Variants in PRKAA2 observed in about 807,000 individuals in gnomAD.
PRKAA2 encodes the protein 5'-AMP-activated protein kinase catalytic subunit alpha-2.
PRKAA2 carries 40 observed loss-of-function variants against 56.3 expected under a neutral mutation model. The observed-to-expected ratio is 0.71, with a 90% CI of 0.55 to 0.92. The LOEUF is 0.92. Ranked by LOEUF, PRKAA2 falls within the 40% of genes least tolerant of loss-of-function variation. The pLI is 0.00. For missense variants in PRKAA2, 542 were observed against 686.9 expected (o/e 0.79, Z 2.36); for synonymous variants, 214 against 234.2 (o/e 0.91, Z 0.79).
At chr1:56,702,147 G>A (rs1285059187) in intron 6 of PRKAA2, among the ~76,000 whole-genome samples, 2 of 150,842 alleles carry the variant, frequency 1.3e-5, no homozygotes, top group African/African-American at 4.9e-5. Flanking sequence ...GCAATGGCAC[G>A]ATCTCGGCTC....
chr1:56,654,805 G>A (rs1643927351), intron 1 of PRKAA2, among the ~76,000 whole-genome samples: 1 of 152,024 alleles, frequency 6.6e-6, no homozygotes, highest in Non-Finnish European at 1.5e-5. Context: ...TCTTATGTTT[G>A]GCAGTGTTTG....
At chr1:56,662,117 A>G (rs1643998460) in intron 1 of PRKAA2, among the ~76,000 whole-genome samples, 1 of 152,096 alleles carries the variant, frequency 6.6e-6, no homozygotes, top group African/African-American at 2.4e-5. Context: ...CATGTAGTAA[A>G]GATTGATACA....
intron 2 of PRKAA2, among the ~76,000 whole-genome samples, chr1:56,684,417 A>G (rs1557555008): frequency 6.6e-6 from 1 of 152,108 alleles, no homozygotes; most frequent in Non-Finnish European, 1.5e-5. Context: ...TGTATTTAAG[A>G]TATTTAAAGC....
At chr1:56,707,392 A>T in intron 8 of PRKAA2, 83 bp from the exon 9 acceptor site, 2 of 1,147,408 alleles carry the variant, frequency 1.7e-6, no homozygotes, top group East Asian at 4.7e-5. Context: ...TGTTTACTTA[A>T]TATTCTGAAT....
At chr1:56,667,538 A>T (rs1308850604) in intron 1 of PRKAA2, among the ~76,000 whole-genome samples, 1 of 152,194 alleles carries the variant, frequency 6.6e-6, no homozygotes, top group Non-Finnish European at 1.5e-5. Context: ...AGATTGCATT[A>T]TAGTATAATC....
chr1:56,704,616 C>T (rs1644319536), intron 7 of PRKAA2, 141 bp downstream of exon 7: 1 of 961,916 alleles, frequency 1.0e-6, no homozygotes, highest in Admixed American at 3.1e-5. Flanking sequence ...CAAATAACCT[C>T]TATAAGGATG....
intron 6 of PRKAA2, among the ~76,000 whole-genome samples, chr1:56,697,817 T>TA (rs143567357): frequency 6.7e-6 from 1 of 150,092 alleles, no homozygotes; most frequent in African/African-American, 2.4e-5. Flanking sequence ...TTTTTTTTAT[T>TA]AAAAAAAAAG....
intron 1 of PRKAA2, among the ~76,000 whole-genome samples, chr1:56,655,280 A>ATATATATATATATATAT: frequency 3.8e-4 from 36 of 93,656 alleles, no homozygotes; most frequent in African/African-American, 1.5e-3. Flanking sequence ...ATATATATAT[A>ATATATATATATATATAT]TTTTTTTTTT....
intron 8 of PRKAA2, among the ~76,000 whole-genome samples, chr1:56,707,007 A>C (rs770304740): frequency 1.3e-5 from 2 of 152,182 alleles, no homozygotes; most frequent in Non-Finnish European, 2.9e-5. Flanking sequence ...GACCTATTAA[A>C]TCAGAATTTC....
chr1:56,676,318 G>A (rs1644112754), intron 2 of PRKAA2, among the ~76,000 whole-genome samples: 1 of 152,092 alleles, frequency 6.6e-6, no homozygotes, highest in Admixed American at 6.5e-5. Context: ...AAGAGTAGAA[G>A]AAAAGAGTCA....
At chr1:56,684,017 T>C (rs1023478978) in intron 2 of PRKAA2, among the ~76,000 whole-genome samples, 1 of 152,172 alleles carries the variant, frequency 6.6e-6, no homozygotes, top group Admixed American at 6.6e-5. Context: ...TAAAAGATGA[T>C]GTTGGCTTGA....
intron 2 of PRKAA2, among the ~76,000 whole-genome samples, chr1:56,682,628 A>C (rs1262628497): frequency 1.3e-5 from 2 of 152,138 alleles, no homozygotes; most frequent in Non-Finnish European, 2.9e-5. Context: ...CTAAATAGGA[A>C]CTTTTGGAGA....
At chr1:56,683,715 T>G (rs2796510) in intron 2 of PRKAA2, among the ~76,000 whole-genome samples, 150,099 of 152,242 alleles carry the variant, frequency 0.99, 73,994 homozygotes, top group East Asian at 1. Context: ...ATATCTGAAG[T>G]GGGTGAATGT....
chr1:56,685,947 A>G (rs1339179535), intron 2 of PRKAA2, among the ~76,000 whole-genome samples: 1 of 152,188 alleles, frequency 6.6e-6, no homozygotes, highest in Admixed American at 6.5e-5. Context: ...TGATAACAAT[A>G]TTTTGCATAT....
intron 1 of PRKAA2, among the ~76,000 whole-genome samples, chr1:56,653,974 A>G (rs908069616): frequency 6.6e-5 from 10 of 152,106 alleles, no homozygotes; most frequent in Non-Finnish European, 1.2e-4. Flanking sequence ...TAAGCTGGGA[A>G]GGGGGAAAGT....
intron 1 of PRKAA2, among the ~76,000 whole-genome samples, chr1:56,653,957 A>G (rs930907447): frequency 5.9e-5 from 9 of 152,240 alleles, no homozygotes; most frequent in African/African-American, 2.2e-4. Context: ...CTTGGAGGAA[A>G]GAGGCATAAG....
At chr1:56,668,297 G>A (rs1644050142) in intron 1 of PRKAA2, among the ~76,000 whole-genome samples, 1 of 151,088 alleles carries the variant, frequency 6.6e-6, no homozygotes, top group African/African-American at 2.4e-5. Flanking sequence ...ATAGCATTGG[G>A]AGATATACCT....
In PRKAA2 at chr1:56,709,948, G is replaced by A. The variant is rs1644358718; in HGVS notation, c.*2235G>A. On this transcript the variant is annotated 3_prime_UTR_variant, in exon 9 of 9. Coordinates refer to ENST00000371244, the MANE Select transcript of PRKAA2 (RefSeq NM_006252.4). Reference sequence around the variant, plus strand: ...ATGGTCACAGTTTGGGTTCTTTTATGTGTATGTTTTTAAAACAGCTATTTT... The same window carrying A: ...ATGGTCACAGTTTGGGTTCTTTTATATGTATGTTTTTAAAACAGCTATTTT... 3 of 152,156 alleles carry A rather than the reference G, an allele frequency of 2.0e-5. No homozygotes were observed. Among genetic ancestry groups the A allele is most frequent in the Middle Eastern group, 3.4e-3 (1 of 294 alleles). The allele number at this position is 152,156 out of a possible 1,614,324, so 9.4% of individuals were successfully genotyped here.
intron 2 of PRKAA2, among the ~76,000 whole-genome samples, chr1:56,690,651 C>T (rs896242207): frequency 2.6e-5 from 4 of 152,100 alleles, no homozygotes; most frequent in African/African-American, 9.7e-5. Flanking sequence ...TTTATCCTTT[C>T]CCTTTTTTTC....
Sources: gnomAD v4.1 joint callset for allele counts (sites outside exome capture counted in the v4.1 genomes callset) on GRCh38, gnomAD v4.1.1 for gene constraint, MANE v1.5 for transcripts, NCBI Gene and HGNC (gene_info 2026-07-23, HGNC 2026-07-21) for gene names.